Variants in COL22A1 observed in about 807,000 individuals in gnomAD.
COL22A1 encodes collagen alpha-1(XXII) chain.
Under a neutral mutation model 248.9 loss-of-function variants are expected in COL22A1, and 221 were observed. That is an observed-to-expected ratio of 0.89 (90% CI 0.80 to 0.99). The LOEUF is 0.99. COL22A1 is among the 50% of genes least tolerant of loss of function. The pLI is 0.00. For missense variants in COL22A1, 2,240 were observed against 2,179.0 expected, an observed-to-expected ratio of 1.03 and a Z score of -0.56; for synonymous variants, 891 against 793.4, an observed-to-expected ratio of 1.12 and a Z score of -2.07.
intron 47 of COL22A1, among the ~76,000 whole-genome samples, chr8:138,637,698 A>G (rs1821313608): frequency 6.6e-6 from 1 of 152,336 alleles, no homozygotes; most frequent in African/African-American, 2.4e-5. Flanking sequence ...TATCTTTGTC[A>G]TGGGGTTACT....
At chr8:138,596,668 G>A (rs1459128648) in intron 62 of COL22A1, among the ~76,000 whole-genome samples, 1 of 152,174 alleles carries the variant, frequency 6.6e-6, no homozygotes, top group Non-Finnish European at 1.5e-5. Flanking sequence ...TGTAGATAGT[G>A]AGCTCTCCTT....
chr8:138,604,346 C>T (rs1818266768), intron 59 of COL22A1, among the ~76,000 whole-genome samples: 1 of 152,110 alleles, frequency 6.6e-6, no homozygotes, highest in African/African-American at 2.4e-5. Flanking sequence ...AAAGGGAGAT[C>T]CATTAGAGGA....
chr8:138,772,085 C>T (rs1054805620), intron 16 of COL22A1, among the ~76,000 whole-genome samples: 5 of 152,290 alleles, frequency 3.3e-5, no homozygotes, highest in African/African-American at 4.8e-5. Context: ...TAACCCTGAG[C>T]GTGGAGTACC....
Position 138,878,170 on chromosome 8 carries a change from C to G in COL22A1, c.238G>C (p.Val80Leu). The change falls in exon 3 of 65, where the codon GTG becomes CTG. Residue 80 changes from valine to leucine, a missense_variant. Val to Leu is a conservative substitution (Grantham distance 32). Transcript: ENST00000303045. ...VGPDRTRVGV[V>L]RYSDRPTTAF... Reference sequence around the variant, plus strand: ...GTGGTGGGCCGGTCGCTGTAGCGCACGACCCCCACACGGGTGCGGTCGGGG... The same window carrying G: ...GTGGTGGGCCGGTCGCTGTAGCGCAGGACCCCCACACGGGTGCGGTCGGGG... The G allele has an allele frequency of 6.2e-7, 1 of 1,604,268 alleles. No homozygotes were observed. Among genetic ancestry groups the G allele is most frequent in the Non-Finnish European group, 8.5e-7 (1 of 1,176,208 alleles).
intron 40 of COL22A1, among the ~76,000 whole-genome samples, chr8:138,678,895 G>C (rs975309362): frequency 6.6e-6 from 1 of 152,058 alleles, no homozygotes; most frequent in Non-Finnish European, 1.5e-5. Flanking sequence ...GTATATTATG[G>C]TTGCATTATT....
chr8:138,604,699 G>C (rs553570672), intron 59 of COL22A1, 35 bp downstream of exon 59: 2 of 1,603,760 alleles, frequency 1.2e-6, no homozygotes, highest in South Asian at 2.2e-5. Flanking sequence ...GGTGGTAAAG[G>C]GTTGCCAAGG....
At chr8:138,898,141 T>C (rs1814265113) in intron 1 of COL22A1, among the ~76,000 whole-genome samples, 1 of 152,166 alleles carries the variant, frequency 6.6e-6, no homozygotes, top group Non-Finnish European at 1.5e-5. Context: ...AGGAATTAGA[T>C]TTCAATATAT....
intron 40 of COL22A1, 36 bp downstream of exon 40, chr8:138,679,577 TTCTG>T (rs1432073098): frequency 1.3e-6 from 2 of 1,578,548 alleles, no homozygotes; most frequent in Non-Finnish European, 1.7e-6. Flanking sequence ...TGTCTTGTCC[TTCTG>T]TCTTTTTGCA....
At chr8:138,894,590 A>C (rs1825277175) in intron 1 of COL22A1, among the ~76,000 whole-genome samples, 1 of 152,216 alleles carries the variant, frequency 6.6e-6, no homozygotes, top group Non-Finnish European at 1.5e-5. Flanking sequence ...GCAGATGGGC[A>C]CTTGAGTCTA....
At chr8:138,863,401 G>A (rs1822631953) in intron 3 of COL22A1, among the ~76,000 whole-genome samples, 1 of 152,168 alleles carries the variant, frequency 6.6e-6, no homozygotes, top group African/African-American at 2.4e-5. Flanking sequence ...GCTGTCAACT[G>A]TACATGACGC....
At chr8:138,756,438 A>G (rs752314889) in intron 18 of COL22A1, among the ~76,000 whole-genome samples, 12 of 152,118 alleles carry the variant, frequency 7.9e-5, no homozygotes, top group Non-Finnish European at 1.5e-5. Flanking sequence ...GTGCGCTACA[A>G]CTTGGTCCTA....
chr8:138,866,668 T>A (rs1822920599), intron 3 of COL22A1, among the ~76,000 whole-genome samples: 1 of 152,066 alleles, frequency 6.6e-6, no homozygotes, highest in South Asian at 2.1e-4. Flanking sequence ...AGGGACAGAG[T>A]GATGTGGCTG....
At chr8:138,757,049 A>G (rs1211024856) in intron 18 of COL22A1, among the ~76,000 whole-genome samples, 2 of 152,182 alleles carry the variant, frequency 1.3e-5, no homozygotes, top group Non-Finnish European at 2.9e-5. Flanking sequence ...ACACACGTGC[A>G]CACACACGAG....
chr8:138,689,773 G>A (rs1180238511), intron 36 of COL22A1, among the ~76,000 whole-genome samples: 1 of 152,194 alleles, frequency 6.6e-6, no homozygotes, highest in Admixed American at 6.5e-5. Flanking sequence ...AAATACACTT[G>A]CTGGCCACTG....
intron 3 of COL22A1, among the ~76,000 whole-genome samples, chr8:138,874,420 G>A (rs1166979271): frequency 6.6e-6 from 1 of 152,112 alleles, no homozygotes; most frequent in Non-Finnish European, 1.5e-5. Context: ...GAGGGAGCTG[G>A]GCTGGGAACT....
At chr8:138,911,978 A>T (rs1482731645) in intron 1 of COL22A1, among the ~76,000 whole-genome samples, 1 of 152,206 alleles carries the variant, frequency 6.6e-6, no homozygotes, top group East Asian at 1.9e-4. Context: ...TCAGTAGCAC[A>T]GCGACAAGGA....
In COL22A1 at chr8:138,908,508, G is replaced by A. The variant is rs16909799; in HGVS notation, c.-73+5111C>T. Among the ~76,000 whole-genome samples, 13 of 152,164 alleles carry A rather than the reference G, an allele frequency of 8.5e-5. No individual in the cohort carries two copies. The East Asian group carries it at 1.5e-3, about 18-fold the overall frequency. On this transcript the variant is annotated intron_variant, in intron 1 of 64. Coordinates refer to ENST00000303045, the MANE Select transcript of COL22A1 (RefSeq NM_152888.3). ...AATTATGTACATTTATCTTATTCAC[G>A]TATGGCAGTCTGTAATTTTTGTTAA...
rs1233826128 is a variant in COL22A1 at position 138,755,310 on chromosome 8, C to A, written c.1978-100G>T. 2.2e-6 allele frequency: 3 copies of A among 1,387,008 alleles called. No homozygotes were observed. In the African/African-American group the frequency reaches 4.3e-5, roughly 20 times the overall value. The allele number at this position is 1,387,008 out of a possible 1,614,324, so 85.9% of individuals were successfully genotyped here. ...CCTCTCCTGACTCAAAGTTTACTTT[C>A]CAAGTTCTCGATAGGGAGTAGAGGT... is the stretch of plus-strand genomic sequence containing the variant. On this transcript the variant is annotated intron_variant, in intron 20 of 64. Coordinates refer to ENST00000303045, the MANE Select transcript of COL22A1 (RefSeq NM_152888.3).
Position 138,621,757 on chromosome 8 carries a change from G to C in COL22A1, c.3771+1975C>G, listed in dbSNP as rs549304738. On this transcript the variant is annotated intron_variant, in intron 52 of 64. Transcript: ENST00000303045. ...ATAAGGTTCTTCTGGGGACTACAGTGGAAAAATGTAATGAAGTGCTCAGTG... is the reference window on the plus strand; with the variant it reads ...ATAAGGTTCTTCTGGGGACTACAGTCGAAAAATGTAATGAAGTGCTCAGTG... 2.0e-5 allele frequency among the ~76,000 whole-genome samples: 3 copies of C among 152,296 alleles called. No homozygotes were observed. In the South Asian group the frequency reaches 6.2e-4, roughly 32 times the overall value.
Sources: gnomAD v4.1 joint callset for allele counts (sites outside exome capture counted in the v4.1 genomes callset) on GRCh38, gnomAD v4.1.1 for gene constraint, MANE v1.5 for transcripts, NCBI Gene and HGNC (gene_info 2026-07-23, HGNC 2026-07-21) for gene names.